PDLIM5: variants seen among roughly 807,000 people sequenced by gnomAD.
The protein encoded by PDLIM5 is PDZ and LIM domain protein 5.
Under a neutral mutation model 64.2 loss-of-function variants are expected in PDLIM5, and 34 were observed. The observed-to-expected ratio is 0.53, with a 90% CI of 0.40 to 0.71. The LOEUF (loss-of-function observed/expected upper bound fraction) is 0.71, where lower values mean the gene tolerates loss of function less well. Ranked by LOEUF, PDLIM5 falls within the 30% of genes least tolerant of loss-of-function variation. The pLI, the probability that PDLIM5 is intolerant of heterozygous loss-of-function variation, is 0.00. For synonymous variants in PDLIM5, 253 were observed against 269.1 expected (o/e 0.94, Z 0.59); for missense variants, 683 against 733.6 (o/e 0.93, Z 0.80).
chr4:94,569,801 A>G (rs1734656644), intron 3 of PDLIM5, among the ~76,000 whole-genome samples: 1 of 152,184 alleles, frequency 6.6e-6, no homozygotes, highest in Non-Finnish European at 1.5e-5. Context: ...TTAAATTTAA[A>G]TTTGCTTGAA....
intron 2 of PDLIM5, among the ~76,000 whole-genome samples, chr4:94,480,602 G>C (rs539833506): frequency 3.9e-5 from 6 of 152,308 alleles, no homozygotes; most frequent in African/African-American, 1.4e-4. Flanking sequence ...TGTAGAGCCA[G>C]GGGCTGATTG....
chr4:94,536,527 A>G (rs1440169683), intron 3 of PDLIM5, among the ~76,000 whole-genome samples: 1 of 152,204 alleles, frequency 6.6e-6, no homozygotes, highest in East Asian at 1.9e-4. Flanking sequence ...CAGAAACAAT[A>G]TGTATTTATT....
chr4:94,515,621 C>T (rs1305106519), intron 2 of PDLIM5, among the ~76,000 whole-genome samples: 6 of 152,108 alleles, frequency 3.9e-5, no homozygotes, highest in South Asian at 2.1e-4. Context: ...TGGTTATAGA[C>T]GCCTTTGAGG....
chr4:94,469,287 C>T (rs1269014503), intron 2 of PDLIM5, among the ~76,000 whole-genome samples: 3 of 152,056 alleles, frequency 2.0e-5, no homozygotes, highest in African/African-American at 7.2e-5. Flanking sequence ...AGGTGATGTG[C>T]CAGAGAGTAA....
At chr4:94,608,218 G>C in intron 7 of PDLIM5, 3 of 1,423,814 alleles carry the variant, frequency 2.1e-6, no homozygotes, top group Non-Finnish European at 2.8e-6. Flanking sequence ...TTTCAAAGCT[G>C]GTAGTGAATT....
chr4:94,513,262 G>A (rs1412586238), intron 2 of PDLIM5, among the ~76,000 whole-genome samples: 2 of 152,120 alleles, frequency 1.3e-5, no homozygotes, highest in Admixed American at 6.6e-5. Context: ...TTCTGTTTCT[G>A]TGAAGAATGT....
rs1734954289 is a variant in PDLIM5 at position 94,573,223 on chromosome 4, T to A, written c.249-128T>A. ...TGTGAATAGTAAAAACTATGAATTA[T>A]GAAACGATACATTCCAGTGATTCAG... On this transcript the variant is annotated intron_variant, in intron 3 of 12. Transcript: ENST00000317968. 4 of 685,194 alleles carry A rather than the reference T, an allele frequency of 5.8e-6. No individual in the cohort carries two copies. In the East Asian group the frequency reaches 1.1e-4, roughly 19 times the overall value. The allele number at this position is 685,194 out of a possible 1,614,324, so 42.4% of individuals were successfully genotyped here.
rs1743137561 is a variant in PDLIM5 at position 94,667,606 on chromosome 4, CATCACCCAT to C, written c.*3541_*3549del. On this transcript the variant is annotated 3_prime_UTR_variant, in exon 13 of 13. Transcript: ENST00000317968. ...AGTATCCTAGGGGGTTCTTGGAACC[CATCACCCAT>C]AGGGGCACCATAGGACAACTATAGT... The C allele has an allele frequency of 6.6e-6, 1 of 152,068 alleles. No homozygotes were observed. The highest frequency in any genetic ancestry group is 1.5e-5 in the Non-Finnish European group (1 of 68,012). The allele number at this position is 152,068 out of a possible 1,614,324, so 9.4% of individuals were successfully genotyped here. A position where few individuals can be genotyped will look rare whatever the true frequency, so the allele number is the denominator to read the frequency against.
chr4:94,478,733 G>A (rs1419159587), intron 2 of PDLIM5, among the ~76,000 whole-genome samples: 2 of 152,098 alleles, frequency 1.3e-5, no homozygotes, highest in East Asian at 1.9e-4. Flanking sequence ...TCATGGCTCA[G>A]TTAGGCTTGA....
At chr4:94,566,717 A>G (rs1734350539) in intron 3 of PDLIM5, among the ~76,000 whole-genome samples, 2 of 152,252 alleles carry the variant, frequency 1.3e-5, no homozygotes, top group Non-Finnish European at 2.9e-5. Context: ...CCTGAATATG[A>G]AAGGCGGGAA....
chr4:94,560,770 C>T (rs1363156081), intron 3 of PDLIM5, among the ~76,000 whole-genome samples: 2 of 152,102 alleles, frequency 1.3e-5, no homozygotes, highest in Admixed American at 1.3e-4. Flanking sequence ...TGCTGTTGCC[C>T]AGGCTGGGTG....
intron 2 of PDLIM5, among the ~76,000 whole-genome samples, chr4:94,510,262 T>C (rs1560665972): frequency 6.6e-6 from 1 of 152,198 alleles, no homozygotes; most frequent in Non-Finnish European, 1.5e-5. Context: ...TGGGTTTCTA[T>C]TGGTGATGTG....
intron 3 of PDLIM5, among the ~76,000 whole-genome samples, chr4:94,535,742 C>G (rs1189456902): frequency 6.6e-6 from 1 of 151,654 alleles, no homozygotes; most frequent in Non-Finnish European, 1.5e-5. Flanking sequence ...TAAACACTTG[C>G]TGTGTGGATA....
intron 3 of PDLIM5, among the ~76,000 whole-genome samples, chr4:94,558,793 A>G (rs1009204201): frequency 6.6e-6 from 1 of 151,950 alleles, no homozygotes; most frequent in African/African-American, 2.4e-5. Context: ...CTGTAAAATG[A>G]ACTGTCATGA....
At chr4:94,612,563 A>G (rs1221454143) in intron 7 of PDLIM5, among the ~76,000 whole-genome samples, 1 of 152,206 alleles carries the variant, frequency 6.6e-6, no homozygotes, top group Non-Finnish European at 1.5e-5. Flanking sequence ...AAAGTGTGCA[A>G]GCATTTATGG....
intron 7 of PDLIM5, among the ~76,000 whole-genome samples, chr4:94,613,265 T>C (rs1738517447): frequency 6.6e-6 from 1 of 152,196 alleles, no homozygotes; most frequent in Non-Finnish European, 1.5e-5. Flanking sequence ...AAACCTGTGA[T>C]GTACAGTTGT....
intron 3 of PDLIM5, chr4:94,550,086 G>A (rs1295261536): frequency 6.6e-6 from 1 of 151,708 alleles, no homozygotes; most frequent in Non-Finnish European, 1.5e-5. Flanking sequence ...TAAATATATG[G>A]AAATTATATA....
In PDLIM5 at chr4:94,653,385, A is replaced by C. The variant is rs1024256732; in HGVS notation, c.1284-1075A>C. Among the ~76,000 whole-genome samples the C allele has an allele frequency of 2.0e-5, 3 of 152,280 alleles. No homozygotes were observed. The South Asian group carries it at 6.2e-4, about 32-fold the overall frequency. ...AGTGCCTTGGAGGTAAAGCTGCTCT[A>C]TGAATATAAATTAGTGTGATATAGC... On this transcript the variant is annotated intron_variant, in intron 9 of 12. Coordinates refer to ENST00000317968, the MANE Select transcript of PDLIM5 (RefSeq NM_006457.5).
At chr4:94,587,230 G>A (rs1440440282) in intron 7 of PDLIM5, 65 of 1,307,978 alleles carry the variant, frequency 5.0e-5, no homozygotes, top group South Asian at 2.4e-4. Context: ...ATTGTTGTGA[G>A]AAAAGGAAGA....
Sources: allele counts gnomAD v4.1 joint callset (sites outside exome capture counted in the v4.1 genomes callset), GRCh38; gene constraint gnomAD v4.1.1; transcripts MANE v1.5; gene names NCBI Gene and HGNC (gene_info 2026-07-23, HGNC 2026-07-21).